The following FBXO31 variants were observed in gnomAD, a reference collection of about 807,000 sequenced individuals.
The protein encoded by FBXO31 is F-box only protein 31.
Under a neutral mutation model 54.4 loss-of-function variants are expected in FBXO31, and 24 were observed. The observed-to-expected ratio is 0.44, with a 90% confidence interval of 0.32 to 0.62. The LOEUF is 0.62. Ranked by LOEUF, FBXO31 falls within the 20% of genes least tolerant of loss-of-function variation. The pLI, the probability that FBXO31 is intolerant of heterozygous loss-of-function variation, is 0.05. For synonymous variants in FBXO31, 388 were observed against 335.6 expected (o/e 1.16, Z -1.71); for missense variants, 665 against 787.1 (o/e 0.84, Z 1.86).
chr16:87,335,500 A>G lies in FBXO31; in HGVS notation c.843-43T>C. On this transcript the variant is annotated intron_variant, in intron 6 of 8. Transcript: ENST00000311635. This position sits in a 1 kb window ranked among gnomAD's most constrained non-coding sequence, Gnocchi z 5.7. ...GTCAGTACAGGAGACCTCGTGGGGC[A>G]GGCAGGACTGAGAACGCCCAAGGTG... The G allele has an allele frequency of 1.5e-6, 2 of 1,375,648 alleles. No homozygotes were observed. The highest frequency in any genetic ancestry group is 4.0e-5 in the East Asian group (1 of 24,870). The allele number at this position is 1,375,648 out of a possible 1,614,324, so 85.2% of individuals were successfully genotyped here.
chr16:87,337,069 A>T (rs1014705571), intron 5 of FBXO31, among the ~76,000 whole-genome samples: 18 of 152,238 alleles, frequency 1.2e-4, no homozygotes, highest in Non-Finnish European at 1.0e-4. Context: ...CAAGAAACAG[A>T]AATCACTGCA....
At position 87,345,344 on chromosome 16, in the gene FBXO31, G is replaced by T. The variant is rs1905339608; in HGVS notation, c.490-1579C>A. Among the ~76,000 whole-genome samples the T allele has an allele frequency of 6.7e-6, 1 of 148,916 alleles. No individual in the cohort carries two copies. Among genetic ancestry groups the T allele is most frequent in the Non-Finnish European group, 1.5e-5 (1 of 67,138 alleles). The stretch of plus-strand genomic sequence containing the variant: ...GCGGGGAGGGCGGGAGGCAGGGTGG[G>T]AGGGAGGGAGGGGAAGAGGGTGGGA... On this transcript the variant is annotated intron_variant, in intron 3 of 8. Transcript: ENST00000311635. The surrounding 1 kb of genome is among the most constrained non-coding windows in gnomAD (Gnocchi z 4.9).
Position 87,343,679 on chromosome 16 carries a change from G to A in FBXO31, c.576C>T (p.Phe192=). The A allele has an allele frequency of 1.2e-6, 2 of 1,614,262 alleles. No individual in the cohort carries two copies. Among genetic ancestry groups the A allele is most frequent in the South Asian group, 2.2e-5 (2 of 91,088 alleles). Residue 192 remains phenylalanine, a synonymous_variant, in exon 4 of 9, where the codon TTC becomes TTT. Transcript: ENST00000311635. ...CCTTCCTCTCCATCAGGTGGATCCT[G>A]AACAGAGGCTTGAATCTCATAGGGT... ...VDDPMRFKPL[F]RIHLMERKAA... is the part of the protein sequence containing the mutation.
chr16:87,355,638 G>A (rs1905858362), intron 2 of FBXO31, among the ~76,000 whole-genome samples: 1 of 152,160 alleles, frequency 6.6e-6, no homozygotes, highest in Admixed American at 6.5e-5. Context: ...ACTTCAGCAT[G>A]AACAACAGTA....
At chr16:87,375,045 G>A (rs1000934456) in intron 1 of FBXO31, among the ~76,000 whole-genome samples, 2 of 152,196 alleles carry the variant, frequency 1.3e-5, no homozygotes, top group Non-Finnish European at 2.9e-5. Flanking sequence ...TAGGCCAGGT[G>A]CGGTGGCTCA....
At position 87,328,140 on chromosome 16, in the gene FBXO31, G is replaced by C. The variant is rs543238214; in HGVS notation, c.*3148C>G. On this transcript the variant is annotated 3_prime_UTR_variant, in exon 9 of 9. Transcript: ENST00000311635. ...CCGTGTGCAGGTGAGAAAGCCTGGG[G>C]GTGAACACGCCCTGAGGAGTCAGGG... 96 of 152,396 alleles carry C rather than the reference G, an allele frequency of 6.3e-4. No individual in the cohort carries two copies. The highest frequency in any genetic ancestry group is 2.2e-3 in the African/African-American group (91 of 41,578). The allele number at this position is 152,396 out of a possible 1,614,324, so 9.4% of individuals were successfully genotyped here.
rs1333736337 is a variant in FBXO31, at chr16:87,346,347, A to C, written c.489+827T>G. Reference sequence around the variant, plus strand: ...GGTGGGGGGCATCCAACACGCCTGGAGATCAGGAGAAAAGGCGGGGGCTAG... The same window carrying C: ...GGTGGGGGGCATCCAACACGCCTGGCGATCAGGAGAAAAGGCGGGGGCTAG... On this transcript the variant is annotated intron_variant, in intron 3 of 8. Coordinates refer to ENST00000311635, the MANE Select transcript of FBXO31 (RefSeq NM_024735.5). The surrounding 1 kb of genome is among the most constrained non-coding windows in gnomAD (Gnocchi z 4.2). Among the ~76,000 whole-genome samples the C allele has an allele frequency of 6.6e-6, 1 of 152,224 alleles. No homozygotes were observed. Among genetic ancestry groups the C allele is most frequent in the African/African-American group, 2.4e-5 (1 of 41,456 alleles).
intron 2 of FBXO31, 96 bp downstream of exon 2, chr16:87,360,199 G>T: frequency 8.5e-7 from 1 of 1,181,488 alleles, no homozygotes; most frequent in Non-Finnish European, 1.3e-6. Context: ...GAAAACAAAA[G>T]TGTGGACTAA....
At chr16:87,387,117 AC>A (rs1393627124), upstream of FBXO31, among the ~76,000 whole-genome samples, 1 of 152,016 alleles carries the variant, frequency 6.6e-6, no homozygotes, top group African/African-American at 2.4e-5. Flanking sequence ...ACGAAGTGAA[AC>A]CCCATCTCTA....
chr16:87,344,076 G>A (rs756796752), intron 3 of FBXO31, among the ~76,000 whole-genome samples: 14 of 152,362 alleles, frequency 9.2e-5, no homozygotes, highest in South Asian at 4.1e-4. Context: ...CCTCGTTCGC[G>A]TCCTGAGCTG....
At chr16:87,363,279 G>A (rs1034930883) in intron 1 of FBXO31, among the ~76,000 whole-genome samples, 3 of 152,194 alleles carry the variant, frequency 2.0e-5, no homozygotes, top group Admixed American at 1.3e-4. Flanking sequence ...AGCTGCTAGG[G>A]AGGCTGAGGC....
chr16:87,376,323 G>A (rs972665913), intron 1 of FBXO31, among the ~76,000 whole-genome samples: 9 of 151,592 alleles, frequency 5.9e-5, no homozygotes, highest in African/African-American at 2.2e-4. Context: ...GCCCAGGCTG[G>A]AGTGCAGTGG....
chr16:87,377,645 G>C (rs1381396901), intron 1 of FBXO31, among the ~76,000 whole-genome samples: 2 of 151,908 alleles, frequency 1.3e-5, no homozygotes, highest in African/African-American at 4.8e-5. Context: ...GGGCAACACA[G>C]TGAGACCCCA....
At chr16:87,384,829 C>A (rs539373424), upstream of FBXO31, among the ~76,000 whole-genome samples, 99 of 152,348 alleles carry the variant, frequency 6.5e-4, no homozygotes, top group African/African-American at 2.3e-3. Flanking sequence ...CACTGCACTT[C>A]AGCCTGGGCA....
At chr16:87,334,561 G>C (rs913967759) in intron 7 of FBXO31, among the ~76,000 whole-genome samples, 5 of 152,234 alleles carry the variant, frequency 3.3e-5, no homozygotes, top group Admixed American at 1.3e-4. Context: ...AGCAGCCCAA[G>C]GGGGCAGCCC....
At chr16:87,370,262 C>T (rs1283656624) in intron 1 of FBXO31, among the ~76,000 whole-genome samples, 2 of 152,180 alleles carry the variant, frequency 1.3e-5, no homozygotes, top group Non-Finnish European at 2.9e-5. Flanking sequence ...GCCTGGCCAG[C>T]GTGGCCGAGC....
At position 87,383,276 on chromosome 16, in the gene FBXO31, C is replaced by T; in HGVS notation, c.340+129G>A. On this transcript the variant is annotated intron_variant, in intron 1 of 8. Transcript: ENST00000311635. The surrounding 1 kb of genome is among the most constrained non-coding windows in gnomAD (Gnocchi z 4.9). ...CTCCCCACCCACACCCAAAACACCA[C>T]ATCGCCGGGCCCCGCGCCCAACTGG... 1.1e-6 allele frequency: 1 copy of T among 890,026 alleles called. No individual in the cohort carries two copies. Among genetic ancestry groups the T allele is most frequent in the Non-Finnish European group, 1.6e-6 (1 of 621,022 alleles). 55.1% of individuals were successfully genotyped at this position (890,026 alleles called of 1,614,324 possible).
In FBXO31 at chr16:87,335,871, G is replaced by A. The variant is rs930865829; in HGVS notation, c.842+284C>T. On this transcript the variant is annotated intron_variant, in intron 6 of 8. Coordinates refer to ENST00000311635, the MANE Select transcript of FBXO31 (RefSeq NM_024735.5). The surrounding 1 kb of genome is among the most constrained non-coding windows in gnomAD (Gnocchi z 5.7). ...ATCAGATAAAAACAGACACCCGGGT[G>A]AAGGATGGGGTCTGGGGCTGTGCCA... Among the ~76,000 whole-genome samples the A allele has an allele frequency of 1.3e-5, 2 of 152,156 alleles. No homozygotes were observed. The highest frequency in any genetic ancestry group is 2.9e-5 in the Non-Finnish European group (2 of 68,018).
At chr16:87,376,734 C>T (rs867153261) in intron 1 of FBXO31, among the ~76,000 whole-genome samples, 4 of 152,234 alleles carry the variant, frequency 2.6e-5, no homozygotes, top group Non-Finnish European at 5.9e-5. Flanking sequence ...TCTGCCAGGA[C>T]GCCAGGTGGG....
Sources: gnomAD v4.1 joint callset for allele counts (sites outside exome capture counted in the v4.1 genomes callset) on GRCh38, gnomAD v4.1.1 for gene constraint, Gnocchi (gnomAD v3.1) non-coding constraint, MANE v1.5 for transcripts, NCBI Gene and HGNC (gene_info 2026-07-23, HGNC 2026-07-21) for gene names.